The following DTX3 variants were observed in gnomAD, a reference collection of about 807,000 sequenced individuals.
The protein encoded by DTX3 is deltex E3 ubiquitin ligase 3, also known as E3 ubiquitin-protein ligase DTX3.
In DTX3, 10 loss-of-function variants were observed where a neutral mutation model predicts 27.4. The ratio of observed to expected loss-of-function variants is 0.36; its 90% CI spans 0.22 to 0.62. DTX3 has a LOEUF of 0.62. DTX3 is among the 20% of genes least tolerant of loss of function. The pLI is 0.68. For synonymous variants in DTX3, 171 were observed against 190.7 expected, an observed-to-expected ratio of 0.90 and a Z score of 0.85; for missense variants, 319 against 463.8, an observed-to-expected ratio of 0.69 and a Z score of 2.87.
Position 57,606,426 on chromosome 12 carries a change from T to C in DTX3, c.-75-17T>C. 6.3e-7 allele frequency: 1 copy of C among 1,593,536 alleles called. No individual in the cohort carries two copies. Among genetic ancestry groups the C allele is most frequent in the Non-Finnish European group, 8.6e-7 (1 of 1,169,546 alleles). On this transcript the variant is annotated splice_polypyrimidine_tract_variant and intron_variant, in intron 3 of 6. Transcript: ENST00000337737. ...GAAGGGGTTTCTCACTTTCCTTCCA[T>C]TTTTCCGCCCTACCAGGTCACACGA...
Position 57,608,675 on chromosome 12 carries a change from A to G in DTX3, c.906A>G (p.Arg302=). The G allele has an allele frequency of 1.2e-6, 2 of 1,614,142 alleles. No homozygotes were observed. Among genetic ancestry groups the G allele is most frequent in the Non-Finnish European group, 1.7e-6 (2 of 1,180,022 alleles). The change falls in exon 6 of 7, where the codon AGA becomes AGG. Residue 302 remains arginine (R), a synonymous_variant. Coordinates refer to ENST00000337737, the MANE Select transcript of DTX3 (RefSeq NM_178502.4). The surrounding 1 kb of genome is among the most constrained non-coding windows in gnomAD (Gnocchi z 6.1). ...FTIGTSMTTG[R]PNVITWNDIH... is the part of the protein sequence containing the mutation. The stretch of plus-strand genomic sequence containing the variant: ...TCGGCACGTCCATGACCACAGGGAG[A>G]CCGAATGTCATCACCTGGAACGACA...
rs1288891994 is a variant in DTX3, at chr12:57,607,186, TG to T, written c.329del (p.Gly110ValfsTer86). 3 of 1,613,394 alleles carry T rather than the reference TG, an allele frequency of 1.9e-6. No individual in the cohort carries two copies. ...RQGELMGCLA[L>X]GGGGEHPEMH... ...GGGGAGCTGATGGGCTGCCTGGCTC[TG>T]GGGGGTGGAGGGGAGCACCCTGAGA... is the stretch of plus-strand genomic sequence containing the variant. On this transcript the variant is annotated frameshift_variant, in exon 5 of 7. Transcript: ENST00000337737. LOFTEE classifies it high-confidence loss of function. The surrounding 1 kb of genome is among the most constrained non-coding windows in gnomAD (Gnocchi z 7.7).
rs1357840127 is a variant in DTX3 at position 57,608,876 on chromosome 12, C to G, written c.968+139C>G. The stretch of plus-strand genomic sequence containing the variant: ...AAACTGTTCAGCCATCTCAGTTTCT[C>G]CTACATTCAACCTGGTCCTGGTGTG... On this transcript the variant is annotated intron_variant, in intron 6 of 6. Transcript: ENST00000337737. The surrounding 1 kb of genome is among the most constrained non-coding windows in gnomAD (Gnocchi z 6.1). The G allele has an allele frequency of 2.3e-5, 27 of 1,170,170 alleles. No homozygotes were observed. The highest frequency in any genetic ancestry group is 3.2e-5 in the Non-Finnish European group (26 of 802,498). 72.5% of individuals were successfully genotyped at this position (1,170,170 alleles called of 1,614,324 possible). A position where few individuals can be genotyped will look rare whatever the true frequency, so the allele number is the denominator to read the frequency against.
rs1479070409 is a variant in DTX3 at position 57,608,916 on chromosome 12, C to T, written c.969-161C>T. 19 of 1,057,510 alleles carry T rather than the reference C, an allele frequency of 1.8e-5. No homozygotes were observed. Among genetic ancestry groups the T allele is most frequent in the Non-Finnish European group, 2.4e-5 (17 of 699,000 alleles). The allele number at this position is 1,057,510 out of a possible 1,614,324, so 65.5% of individuals were successfully genotyped here. ...GTCCTGGTGTGCCCAGCTTAGCCTA[C>T]AAAAATAAGCAGAACTGGGCTAAAT... is the stretch of plus-strand genomic sequence containing the variant. On this transcript the variant is annotated intron_variant, in intron 6 of 6. Coordinates refer to ENST00000337737, the MANE Select transcript of DTX3 (RefSeq NM_178502.4). This position sits in a 1 kb window ranked among gnomAD's most constrained non-coding sequence, Gnocchi z 6.1.
rs1883807106 is a variant in DTX3, at chr12:57,607,714, T to C, written c.750+101T>C. On this transcript the variant is annotated intron_variant, in intron 5 of 6. Transcript: ENST00000337737. The surrounding 1 kb of genome is among the most constrained non-coding windows in gnomAD (Gnocchi z 7.7). ...TGTGCTTGTTAGATGTGAGACAGTC[T>C]TGCTGTCTTCCACTGTGCCCTCCTA... is the stretch of plus-strand genomic sequence containing the variant. The C allele has an allele frequency of 6.7e-7, 1 of 1,494,854 alleles. No individual in the cohort carries two copies. The highest frequency in any genetic ancestry group is 9.2e-7 in the Non-Finnish European group (1 of 1,083,000). 92.6% of individuals were successfully genotyped at this position (1,494,854 alleles called of 1,614,324 possible).
At position 57,608,287 on chromosome 12, in the gene DTX3, G is replaced by A. The variant is rs1432129538; in HGVS notation, c.751-233G>A. On this transcript the variant is annotated intron_variant, in intron 5 of 6. Coordinates refer to ENST00000337737, the MANE Select transcript of DTX3 (RefSeq NM_178502.4). The surrounding 1 kb of genome is among the most constrained non-coding windows in gnomAD (Gnocchi z 6.1). ...TTTGTTGCTGAATGGAGACTTGAGG[G>A]ATTGAGACAGCAGAAAAAATCTCTT... is the stretch of plus-strand genomic sequence containing the variant. Among the ~76,000 whole-genome samples the A allele has an allele frequency of 6.6e-6, 1 of 152,148 alleles. No homozygotes were observed. Among genetic ancestry groups the A allele is most frequent in the African/African-American group, 2.4e-5 (1 of 41,424 alleles).
At position 57,607,081 on chromosome 12, in the gene DTX3, A is replaced by G. The variant is rs1012367855; in HGVS notation, c.218A>G (p.Asn73Ser). ...SPQGPPPAPP[N>S]GLYLARKALK... ...CAGGGTCCTCCCCCGGCCCCTCCAA[A>G]TGGGCTCTACCTAGCCCGGAAGGCT... Residue 73 changes from asparagine to serine, a missense_variant, in exon 5 of 7, where the codon AAT (asparagine) becomes AGT (serine). Physicochemically the swap from Asn to Ser is conservative, Grantham distance 46 (BLOSUM62 1). Coordinates refer to ENST00000337737, the MANE Select transcript of DTX3 (RefSeq NM_178502.4). This position sits in a 1 kb window ranked among gnomAD's most constrained non-coding sequence, Gnocchi z 7.7. 4.3e-6 allele frequency: 7 copies of G among 1,613,968 alleles called. No homozygotes were observed. In the African/African-American group the frequency reaches 6.7e-5, roughly 15 times the overall value.
chr12:57,608,765 T>A lies in DTX3; in HGVS notation c.968+28T>A, dbSNP rs1025125780. ...GCGACCCCTCTTCATTTCCTTTCCC[T>A]TGGCTCCTCCCCTTTGTTCCATTTC... On this transcript the variant is annotated intron_variant, in intron 6 of 6. Coordinates refer to ENST00000337737, the MANE Select transcript of DTX3 (RefSeq NM_178502.4). The surrounding 1 kb of genome is among the most constrained non-coding windows in gnomAD (Gnocchi z 6.1). 2.2e-5 allele frequency: 35 copies of A among 1,610,738 alleles called. No individual in the cohort carries two copies. The highest frequency in any genetic ancestry group is 1.7e-4 in the Admixed American group (10 of 59,754).
rs1182901452 is a variant in DTX3, at chr12:57,607,794, G to A, written c.750+181G>A. On this transcript the variant is annotated intron_variant, in intron 5 of 6. Coordinates refer to ENST00000337737, the MANE Select transcript of DTX3 (RefSeq NM_178502.4). This position sits in a 1 kb window ranked among gnomAD's most constrained non-coding sequence, Gnocchi z 7.7. The stretch of plus-strand genomic sequence containing the variant: ...TGAGGCCCAGCCTTTCCATCCCTGT[G>A]ATCCCAAGGCACACGTGAAAATCAG... 6.6e-6 allele frequency among the ~76,000 whole-genome samples: 1 copy of A among 151,856 alleles called. No homozygotes were observed. The highest frequency in any genetic ancestry group is 2.4e-5 in the African/African-American group (1 of 41,296).
In DTX3 at chr12:57,609,352, C is replaced by T; in HGVS notation, c.*200C>T. On this transcript the variant is annotated 3_prime_UTR_variant, in exon 7 of 7. Coordinates refer to ENST00000337737, the MANE Select transcript of DTX3 (RefSeq NM_178502.4). Reference sequence around the variant, plus strand: ...GTGTTTCAATGCAGTGTGAGCCACTCCCTTCTGGCAGAGGCCGACCTCCAA... The same window carrying T: ...GTGTTTCAATGCAGTGTGAGCCACTTCCTTCTGGCAGAGGCCGACCTCCAA... 4 of 593,198 alleles carry T rather than the reference C, an allele frequency of 6.7e-6. No individual in the cohort carries two copies. The highest frequency in any genetic ancestry group is 1.2e-5 in the Non-Finnish European group (4 of 331,676). 36.7% of individuals were successfully genotyped at this position (593,198 alleles called of 1,614,324 possible).
Position 57,607,453 on chromosome 12 carries a change from A to T in DTX3, c.590A>T (p.Lys197Met), listed in dbSNP as rs1407369656. The change falls in exon 5 of 7, where the codon AAG becomes ATG. Residue 197 changes from lysine to methionine, a missense_variant. This residue lies in a region of DTX3 where 117 missense variants were observed against 258.5 expected (regional missense o/e 0.45). Coordinates refer to ENST00000337737, the MANE Select transcript of DTX3 (RefSeq NM_178502.4). This position sits in a 1 kb window ranked among gnomAD's most constrained non-coding sequence, Gnocchi z 7.7. The stretch of plus-strand genomic sequence containing the variant: ...ATCACCCGGGCTCTGCAGGTGAAAA[A>T]GGCCTGCCCCATGTGCGGCCGCTTC... ...GCITRALQVK[K>M]ACPMCGRFYG... 1 of 1,614,106 alleles carries T rather than the reference A, an allele frequency of 6.2e-7. No individual in the cohort carries two copies. The highest frequency in any genetic ancestry group is 8.5e-7 in the Non-Finnish European group (1 of 1,180,010).
chr12:57,609,243 C>G lies in DTX3; in HGVS notation c.*91C>G. On this transcript the variant is annotated 3_prime_UTR_variant, in exon 7 of 7. Transcript: ENST00000337737. ...TCCTCTCTGCCCCCTGCCCCCCACA[C>G]CACACCTGTAGGGGACCTGTCTGAC... 8.4e-7 allele frequency: 1 copy of G among 1,192,334 alleles called. No individual in the cohort carries two copies. Among genetic ancestry groups the G allele is most frequent in the Non-Finnish European group, 1.2e-6 (1 of 813,130 alleles). 73.9% of individuals were successfully genotyped at this position (1,192,334 alleles called of 1,614,324 possible). A position where few individuals can be genotyped will look rare whatever the true frequency, so the allele number is the denominator to read the frequency against.
Position 57,607,276 on chromosome 12 carries a change from T to G in DTX3, c.413T>G (p.Leu138Arg). The change falls in exon 5 of 7, where the codon CTC becomes CGC. Residue 138 changes from leucine (L) to arginine (R), a missense_variant. By Grantham distance (102) the Leu-to-Arg change is moderately radical. Around this residue, in one of 2 missense-constraint regions of DTX3, gnomAD observed 202 missense variants for 205.3 expected, o/e 0.98. Coordinates refer to ENST00000337737, the MANE Select transcript of DTX3 (RefSeq NM_178502.4). This position sits in a 1 kb window ranked among gnomAD's most constrained non-coding sequence, Gnocchi z 7.7. The stretch of plus-strand genomic sequence containing the variant: ...CTTCTGCCCCCAGGAGCTCGGGGGC[T>G]CCCCCCTCCTCCTCCCCCCCTGCCC... ...APLLPPGARG[L>R]PPPPPPLPPP... 4.4e-6 allele frequency: 6 copies of G among 1,377,004 alleles called. No homozygotes were observed. Among genetic ancestry groups the G allele is most frequent in the Non-Finnish European group, 4.9e-6 (5 of 1,028,634 alleles). 85.3% of individuals were successfully genotyped at this position (1,377,004 alleles called of 1,614,324 possible).
In DTX3 at chr12:57,606,425, AT is replaced by A; in HGVS notation, c.-75-13del. The A allele has an allele frequency of 1.3e-6, 2 of 1,594,320 alleles. No individual in the cohort carries two copies. The highest frequency in any genetic ancestry group is 1.8e-5 in the Admixed American group (1 of 56,502). On this transcript the variant is annotated splice_polypyrimidine_tract_variant and intron_variant, in intron 3 of 6. Coordinates refer to ENST00000337737, the MANE Select transcript of DTX3 (RefSeq NM_178502.4). ...AGAAGGGGTTTCTCACTTTCCTTCC[AT>A]TTTTCCGCCCTACCAGGTCACACGA...
intron 2 of DTX3, 64 bp from the exon 3 acceptor site, chr12:57,606,126 T>C (rs1883706967): frequency 5.3e-6 from 1 of 189,764 alleles, no homozygotes; most frequent in Admixed American, 6.0e-5. Flanking sequence ...TTTTTATTTC[T>C]GGGTTGGCTG....
Position 57,608,425 on chromosome 12 carries a change from C to T in DTX3, c.751-95C>T. 1 of 1,157,828 alleles carries T rather than the reference C, an allele frequency of 8.6e-7. No individual in the cohort carries two copies. The highest frequency in any genetic ancestry group is 1.2e-6 in the Non-Finnish European group (1 of 806,572). 71.7% of individuals were successfully genotyped at this position (1,157,828 alleles called of 1,614,324 possible). A position where few individuals can be genotyped will look rare whatever the true frequency, so the allele number is the denominator to read the frequency against. ...GCCCCGTTCGCATTAGCTGGGGGTG[C>T]TCAGACAGAGACTAGCCTGGATGAC... On this transcript the variant is annotated intron_variant, in intron 5 of 6. Coordinates refer to ENST00000337737, the MANE Select transcript of DTX3 (RefSeq NM_178502.4). The surrounding 1 kb of genome is among the most constrained non-coding windows in gnomAD (Gnocchi z 6.1).
Position 57,606,621 on chromosome 12 carries a change from A to G in DTX3, c.1+103A>G, listed in dbSNP as rs1261057567. ...TTGTTTCTATGATCTGGGAGAAATGACAGGAGAAACAAGACTGATACTTGG... is the reference window on the plus strand; with the variant it reads ...TTGTTTCTATGATCTGGGAGAAATGGCAGGAGAAACAAGACTGATACTTGG... On this transcript the variant is annotated intron_variant, in intron 4 of 6. Transcript: ENST00000337737. 2.7e-6 allele frequency: 4 copies of G among 1,503,328 alleles called. No individual in the cohort carries two copies. The Admixed American group carries it at 5.8e-5, about 22-fold the overall frequency. The allele number at this position is 1,503,328 out of a possible 1,614,324, so 93.1% of individuals were successfully genotyped here. A position where few individuals can be genotyped will look rare whatever the true frequency, so the allele number is the denominator to read the frequency against.
Position 57,606,961 on chromosome 12 carries a change from C to T in DTX3, c.98C>T (p.Thr33Ile), listed in dbSNP as rs1235322039. 6.2e-7 allele frequency: 1 copy of T among 1,614,234 alleles called. No individual in the cohort carries two copies. The highest frequency in any genetic ancestry group is 8.5e-7 in the Non-Finnish European group (1 of 1,180,044). The change falls in exon 5 of 7, where the codon ACC becomes ATC. Residue 33 changes from threonine to isoleucine, a missense_variant. Coordinates refer to ENST00000337737, the MANE Select transcript of DTX3 (RefSeq NM_178502.4). ...GTGTGGGACTTCCTGAGCAAAGAGA[C>T]CCCAGCCCGGCTGGCCCGGCTTCGG... ...KPVWDFLSKE[T>I]PARLARLREE...
rs368321146 is a variant in DTX3 at position 57,607,290 on chromosome 12, C to T, written c.427C>T (p.Pro143Ser). 1 of 1,421,626 alleles carries T rather than the reference C, an allele frequency of 7.0e-7. No individual in the cohort carries two copies. The highest frequency in any genetic ancestry group is 1.9e-5 in the Admixed American group (1 of 52,622). The allele number at this position is 1,421,626 out of a possible 1,614,324, so 88.1% of individuals were successfully genotyped here. A position where few individuals can be genotyped will look rare whatever the true frequency, so the allele number is the denominator to read the frequency against. Residue 143 changes from proline to serine, a missense_variant, in exon 5 of 7, where the codon CCC (proline) becomes TCC (serine). Pro to Ser is a moderately conservative substitution (Grantham distance 74, BLOSUM62 -1). Around this residue, in one of 2 missense-constraint regions of DTX3, gnomAD observed 202 missense variants for 205.3 expected, o/e 0.98. Transcript: ENST00000337737. The surrounding 1 kb of genome is among the most constrained non-coding windows in gnomAD (Gnocchi z 7.7). ...PGARGLPPPP[P>S]PLPPPLPPRL... ...AGCTCGGGGGCTCCCCCCTCCTCCT[C>T]CCCCCCTGCCCCCACCTCTTCCTCC...
Sources: allele counts gnomAD v4.1 joint callset (sites outside exome capture counted in the v4.1 genomes callset), GRCh38; gene constraint gnomAD v4.1.1; regional missense constraint gnomAD v4.1.1; non-coding constraint Gnocchi (gnomAD v3.1); transcripts MANE v1.5; gene names NCBI Gene and HGNC (gene_info 2026-07-23, HGNC 2026-07-21).